The following CRYBG1 variants were observed in gnomAD, a reference collection of about 807,000 sequenced individuals.
CRYBG1 encodes beta/gamma crystallin domain-containing protein 1.
A neutral mutation model predicts 189.2 loss-of-function variants in CRYBG1; 139 were observed. The ratio of observed to expected loss-of-function variants is 0.73; its 90% CI spans 0.64 to 0.85. The LOEUF (loss-of-function observed/expected upper bound fraction) is 0.85. Among genes scored for constraint, CRYBG1 ranks in the 40% least tolerant of loss-of-function variants. The pLI is 0.00. For synonymous variants in CRYBG1, 1,023 were observed against 1,017.1 expected (o/e 1.01, Z -0.11); for missense variants, 2,611 against 2,675.8 (o/e 0.98, Z 0.53).
At chr6:106,394,760 G>A (rs1283637781) in intron 1 of CRYBG1, among the ~76,000 whole-genome samples, 1 of 152,140 alleles carries the variant, frequency 6.6e-6, no homozygotes, top group African/African-American at 2.4e-5. Flanking sequence ...AAGCTTGACA[G>A]GCTTAATCTT....
At chr6:106,395,474 G>A (rs936313094) in intron 1 of CRYBG1, among the ~76,000 whole-genome samples, 15 of 151,032 alleles carry the variant, frequency 9.9e-5, no homozygotes, top group African/African-American at 2.2e-4. Flanking sequence ...ACATATATTC[G>A]TTTTTCAAAT....
chr6:106,379,019 C>T lies in CRYBG1; in HGVS notation c.173+17938C>T, dbSNP rs148806149. 7.8e-4 allele frequency among the ~76,000 whole-genome samples: 118 copies of T among 151,924 alleles called. 1 individual carries two copies. In the Middle Eastern group the frequency reaches 0.017, roughly 22 times the overall value. On this transcript the variant is annotated intron_variant, in intron 1 of 21. Transcript: ENST00000633556. The stretch of plus-strand genomic sequence containing the variant: ...AAAAATAGCCAGGCTTGGTGGCAGG[C>T]GCCTGTAGTCCCAGCTACTTTGCTG...
chr6:106,382,614 A>G lies in CRYBG1; in HGVS notation c.173+21533A>G, dbSNP rs77675104. 3.4e-3 allele frequency among the ~76,000 whole-genome samples: 511 copies of G among 152,318 alleles called. 18 individuals carry two copies. The East Asian group carries it at 0.067, about 20-fold the overall frequency. On this transcript the variant is annotated intron_variant, in intron 1 of 21. Coordinates refer to ENST00000633556, the MANE Select transcript of CRYBG1 (RefSeq NM_001371242.2). ...TTGGAAGGCCAAGAATAAAATAAAA[A>G]TAATAAAAATCAAATTTTCTACCAA...
At chr6:106,459,908 C>A (rs943188810) in intron 2 of CRYBG1, among the ~76,000 whole-genome samples, 4 of 152,130 alleles carry the variant, frequency 2.6e-5, no homozygotes, top group Non-Finnish European at 5.9e-5. Flanking sequence ...GTTTTCCCAC[C>A]ACTTTATGAA....
chr6:106,429,766 C>G (rs551360533), intron 1 of CRYBG1, among the ~76,000 whole-genome samples: 6 of 152,182 alleles, frequency 3.9e-5, no homozygotes, highest in Non-Finnish European at 7.3e-5. Flanking sequence ...CAAGTAATAA[C>G]ACCTATCTCA....
chr6:106,520,301 G>A lies in CRYBG1; in HGVS notation c.3093G>A (p.Pro1031=), dbSNP rs150468985. The A allele has an allele frequency of 1.0e-4, 161 of 1,614,108 alleles. No homozygotes were observed. The highest frequency in any genetic ancestry group is 9.9e-4 in the African/African-American group (74 of 75,014). Residue 1031 remains proline (P), a synonymous_variant, in exon 4 of 22, where the codon CCG becomes CCA. Coordinates refer to ENST00000633556, the MANE Select transcript of CRYBG1 (RefSeq NM_001371242.2). ...LAAKSGPQVI[P]PASEKTLPIQ... ...CAAAATCTGGCCCACAAGTCATACC[G>A]CCAGCATCAGAGAAAACTCTGCCTA... is the stretch of plus-strand genomic sequence containing the variant.
intron 1 of CRYBG1, among the ~76,000 whole-genome samples, chr6:106,400,904 C>T (rs1770708604): frequency 6.6e-6 from 1 of 152,102 alleles, no homozygotes; most frequent in Admixed American, 6.5e-5. Context: ...AGAGGAAGAG[C>T]ATTTCAAGCA....
chr6:106,379,659 A>G (rs1308156203), intron 1 of CRYBG1, among the ~76,000 whole-genome samples: 3 of 149,584 alleles, frequency 2.0e-5, no homozygotes, highest in African/African-American at 7.4e-5. Flanking sequence ...CCTGGGCTCA[A>G]GCAATCCTCC....
intron 1 of CRYBG1, among the ~76,000 whole-genome samples, chr6:106,445,956 A>G (rs1319720573): frequency 6.6e-6 from 1 of 152,206 alleles, no homozygotes; most frequent in East Asian, 1.9e-4. Flanking sequence ...TCACACTGTC[A>G]TTAGATGCCT....
chr6:106,433,101 A>C (rs1771366537), intron 1 of CRYBG1, among the ~76,000 whole-genome samples: 1 of 151,980 alleles, frequency 6.6e-6, no homozygotes, highest in Non-Finnish European at 1.5e-5. Context: ...GGCCTCCCAA[A>C]GTGCTGGGAT....
rs1350862841 is a variant in CRYBG1 at position 106,423,694 on chromosome 6, C to CTTTTTTTTTTTTTTTTT, written c.174-28000_174-27999insTTTTTTTTTTTTTTTTT. Among the ~76,000 whole-genome samples the CTTTTTTTTTTTTTTTTT allele has an allele frequency of 1.3e-4, 13 of 101,246 alleles. 6 individuals are homozygous for CTTTTTTTTTTTTTTTTT. Among genetic ancestry groups the CTTTTTTTTTTTTTTTTT allele is most frequent in the African/African-American group, 2.1e-4 (5 of 23,608 alleles). The allele number at this position is 101,246 out of a possible 152,430, so 66.4% of individuals were successfully genotyped here. ...CCCTCCAGTCCTCAGTTCTCCCTCC[C>CTTTTTTTTTTTTTTTTT]CTTTTTTTTTTTTTTTTTTTTTTTT... On this transcript the variant is annotated intron_variant, in intron 1 of 21. Transcript: ENST00000633556.
At chr6:106,508,499 C>G (rs538229836) in intron 2 of CRYBG1, among the ~76,000 whole-genome samples, 1 of 152,026 alleles carries the variant, frequency 6.6e-6, no homozygotes, top group African/African-American at 2.4e-5. Flanking sequence ...CCCACTGACC[C>G]CACCCTCAGG....
chr6:106,541,247 G>T (rs568455143), intron 9 of CRYBG1: 2 of 501,706 alleles, frequency 4.0e-6, no homozygotes, highest in East Asian at 5.9e-5. Flanking sequence ...TGGCCTGGGA[G>T]AATCTGGGTC....
chr6:106,562,853 G>A (rs1774765008), intron 20 of CRYBG1, among the ~76,000 whole-genome samples: 1 of 152,140 alleles, frequency 6.6e-6, no homozygotes, highest in African/African-American at 2.4e-5. Context: ...TTGAGACAGA[G>A]TCTAGCTCTG....
At chr6:106,491,562 T>A (rs1185548835) in intron 2 of CRYBG1, among the ~76,000 whole-genome samples, 3 of 152,158 alleles carry the variant, frequency 2.0e-5, no homozygotes, top group African/African-American at 7.2e-5. Context: ...CCAGTGCTCT[T>A]CCAGGCCTCG....
chr6:106,487,027 T>C (rs1292736310), intron 2 of CRYBG1, among the ~76,000 whole-genome samples: 2 of 152,296 alleles, frequency 1.3e-5, no homozygotes, highest in East Asian at 3.9e-4. Context: ...GACTTGGTGG[T>C]TTTCTGTAGT....
At chr6:106,477,242 ATATAT>A (rs1285006900) in intron 2 of CRYBG1, among the ~76,000 whole-genome samples, 10 of 152,216 alleles carry the variant, frequency 6.6e-5, no homozygotes, top group African/African-American at 2.2e-4. Flanking sequence ...CTAAAGATAA[ATATAT>A]TAAATATTTA....
intron 1 of CRYBG1, among the ~76,000 whole-genome samples, chr6:106,381,679 G>T (rs2052475787): frequency 6.6e-6 from 1 of 152,224 alleles, no homozygotes; most frequent in Non-Finnish European, 1.5e-5. Flanking sequence ...GCAGAACTCA[G>T]AACTATGCCG....
At chr6:106,430,379 C>T (rs1771302089) in intron 1 of CRYBG1, among the ~76,000 whole-genome samples, 1 of 151,724 alleles carries the variant, frequency 6.6e-6, no homozygotes, top group Non-Finnish European at 1.5e-5. Context: ...CCAGACTGGG[C>T]AACAGAGCAA....
Sources: allele counts gnomAD v4.1 joint callset (sites outside exome capture counted in the v4.1 genomes callset), GRCh38; gene constraint gnomAD v4.1.1; transcripts MANE v1.5; gene names NCBI Gene and HGNC (gene_info 2026-07-23, HGNC 2026-07-21).